KATNIP: variants seen among roughly 807,000 people sequenced by gnomAD.
The protein encoded by KATNIP is katanin-interacting protein.
In KATNIP, 126 loss-of-function variants were observed where a neutral mutation model predicts 174.0. The observed-to-expected ratio is 0.72, with a 90% CI of 0.63 to 0.84. The LOEUF (loss-of-function observed/expected upper bound fraction) is 0.84, where lower values mean the gene tolerates loss of function less well. Ranked by LOEUF, KATNIP falls within the 40% of genes least tolerant of loss-of-function variation. The pLI, the probability that KATNIP is intolerant of heterozygous loss-of-function variation, is 0.00. For missense variants in KATNIP, 1,958 were observed against 2,109.7 expected, an observed-to-expected ratio of 0.93 and a Z score of 1.41; for synonymous variants, 810 against 835.7, an observed-to-expected ratio of 0.97 and a Z score of 0.53.
chr16:27,629,938 G>C (rs1427079667), intron 4 of KATNIP, among the ~76,000 whole-genome samples: 1 of 152,164 alleles, frequency 6.6e-6, no homozygotes, highest in South Asian at 2.1e-4. Context: ...GACTGGGCCC[G>C]GGAAGTCAAG....
At chr16:27,652,517 C>T (rs950449402) in intron 6 of KATNIP, among the ~76,000 whole-genome samples, 7 of 152,058 alleles carry the variant, frequency 4.6e-5, no homozygotes, top group Non-Finnish European at 7.4e-5. Context: ...ATATGTTCAC[C>T]GTTTAAGTGG....
intron 2 of KATNIP, among the ~76,000 whole-genome samples, chr16:27,598,114 A>AGCTACTTAGGAG (rs749738176): frequency 6.6e-6 from 1 of 152,072 alleles, no homozygotes; most frequent in African/African-American, 2.4e-5. Flanking sequence ...CTGTTGCTCC[A>AGCTACTTAGGAG]GCTACTTAGG....
At chr16:27,721,431 C>T (rs1342209278) in intron 13 of KATNIP, 127 bp from the exon 14 acceptor site, 1 of 1,117,618 alleles carries the variant, frequency 8.9e-7, no homozygotes, top group East Asian at 2.4e-5. Flanking sequence ...ACGGGGTGGC[C>T]TGGCTGTCTG....
At chr16:27,579,805 T>C (rs1207847156) in intron 2 of KATNIP, among the ~76,000 whole-genome samples, 1 of 152,180 alleles carries the variant, frequency 6.6e-6, no homozygotes, top group East Asian at 1.9e-4. Context: ...CAAAAGTCAT[T>C]GAACTCACCC....
chr16:27,570,364 G>C (rs2090242286), intron 1 of KATNIP, among the ~76,000 whole-genome samples: 1 of 151,818 alleles, frequency 6.6e-6, no homozygotes, highest in South Asian at 2.1e-4. Flanking sequence ...AGGAGTTCGA[G>C]ACCAGCCTAG....
chr16:27,577,640 C>T (rs372141260), intron 2 of KATNIP, among the ~76,000 whole-genome samples: 1 of 152,032 alleles, frequency 6.6e-6, no homozygotes, highest in Non-Finnish European at 1.5e-5. Flanking sequence ...TGCAGTGAGC[C>T]GAGATCGGGC....
At chr16:27,773,343 G>A (rs1411350211) in intron 23 of KATNIP, 134 bp downstream of exon 23, 22 of 595,398 alleles carry the variant, frequency 3.7e-5, no homozygotes, top group Non-Finnish European at 5.5e-5. Context: ...TTTGCTTATA[G>A]TCAGATGCTG....
At chr16:27,625,247 C>G (rs545050075) in intron 3 of KATNIP, among the ~76,000 whole-genome samples, 1 of 152,198 alleles carries the variant, frequency 6.6e-6, no homozygotes, top group East Asian at 1.9e-4. Flanking sequence ...TTTCATAAAT[C>G]TACATTTTCA....
intron 14 of KATNIP, among the ~76,000 whole-genome samples, chr16:27,726,619 C>T (rs185708454): frequency 9.3e-4 from 142 of 152,316 alleles, no homozygotes; most frequent in African/African-American, 3.0e-3. Flanking sequence ...AAGGATACAA[C>T]GAATAATGTG....
Position 27,677,738 on chromosome 16 carries a change from A to C in KATNIP, c.550A>C (p.Arg184=). Residue 184 remains arginine (R), a synonymous_variant, in exon 7 of 28, where the codon AGA becomes CGA. Transcript: ENST00000261588. ...TSEDRPQELR[R]SLELSVNLQR... ...TCTGGGCTTTTTGCAGGAGCTGAGA[A>C]GAAGCCTGGAACTTAGTGTAAATCT... 6.2e-7 allele frequency: 1 copy of C among 1,604,240 alleles called. No homozygotes were observed. The highest frequency in any genetic ancestry group is 2.2e-5 in the East Asian group (1 of 44,568).
Position 27,776,399 on chromosome 16 carries a change from G to C in KATNIP, c.4450-529G>C, listed in dbSNP as rs1222880710. On this transcript the variant is annotated intron_variant, in intron 24 of 27. Transcript: ENST00000261588. The surrounding 1 kb of genome is among the most constrained non-coding windows in gnomAD (Gnocchi z 4.7). Reference sequence around the variant, plus strand: ...CTGCTCCGTCCCACTTTTCCCACTGGATTCTGCCCCGATCTAGACAGCCCC... The same window carrying C: ...CTGCTCCGTCCCACTTTTCCCACTGCATTCTGCCCCGATCTAGACAGCCCC... Among the ~76,000 whole-genome samples the C allele has an allele frequency of 6.6e-6, 1 of 152,142 alleles. No individual in the cohort carries two copies. Among genetic ancestry groups the C allele is most frequent in the African/African-American group, 2.4e-5 (1 of 41,432 alleles).
intron 2 of KATNIP, among the ~76,000 whole-genome samples, chr16:27,611,123 T>A (rs1567492252): frequency 6.6e-6 from 1 of 152,222 alleles, no homozygotes; most frequent in Non-Finnish European, 1.5e-5. Flanking sequence ...GTCCTCAACC[T>A]TGGCAAAAGA....
chr16:27,712,777 A>T (rs976074135), intron 13 of KATNIP, among the ~76,000 whole-genome samples: 1 of 151,880 alleles, frequency 6.6e-6, no homozygotes, highest in African/African-American at 2.4e-5. Flanking sequence ...CATCTCTTGG[A>T]TCTCTCCTGG....
chr16:27,685,546 A>G (rs1173249639), intron 8 of KATNIP, among the ~76,000 whole-genome samples: 2 of 152,234 alleles, frequency 1.3e-5, no homozygotes, highest in South Asian at 2.1e-4. Context: ...GCATGCGTTC[A>G]TACAAAAAAT....
Position 27,761,552 on chromosome 16 carries a change from G to A in KATNIP, c.3771G>A (p.Glu1257=), listed in dbSNP as rs942693674. 1 of 1,614,118 alleles carries A rather than the reference G, an allele frequency of 6.2e-7. No homozygotes were observed. Among genetic ancestry groups the A allele is most frequent in the Non-Finnish European group, 8.5e-7 (1 of 1,180,024 alleles). ...CTGCTTCCCCCAGAGACTTAAATGA[G>A]CTCCCCGAGTACTCTGACGACTCCC... ...QISASPRDLN[E]LPEYSDDSRA... Residue 1257 remains glutamate, a synonymous_variant, in exon 19 of 28, where the codon GAG becomes GAA. Coordinates refer to ENST00000261588, the MANE Select transcript of KATNIP (RefSeq NM_015202.5).
At chr16:27,621,926 C>T (rs892626502) in intron 3 of KATNIP, among the ~76,000 whole-genome samples, 14 of 151,944 alleles carry the variant, frequency 9.2e-5, no homozygotes, top group African/African-American at 2.9e-4. Context: ...GGTCCTACCT[C>T]GACACTAGGG....
At chr16:27,695,299 G>C (rs887269319) in intron 8 of KATNIP, among the ~76,000 whole-genome samples, 1 of 152,160 alleles carries the variant, frequency 6.6e-6, no homozygotes, top group African/African-American at 2.4e-5. Flanking sequence ...CAGAGCATGG[G>C]CCCTACAGTG....
At chr16:27,569,845 A>C (rs1157108412) in intron 1 of KATNIP, among the ~76,000 whole-genome samples, 1 of 152,258 alleles carries the variant, frequency 6.6e-6, no homozygotes, top group Non-Finnish European at 1.5e-5. Context: ...GATTTAATGA[A>C]TTAAAAAGCT....
intron 5 of KATNIP, among the ~76,000 whole-genome samples, chr16:27,635,151 A>C (rs538163929): frequency 1.5e-4 from 23 of 152,356 alleles, no homozygotes; most frequent in African/African-American, 5.3e-4. Context: ...CAAAAGCCTT[A>C]ATGATTCTAC....
Sources: allele counts gnomAD v4.1 joint callset (sites outside exome capture counted in the v4.1 genomes callset), GRCh38; gene constraint gnomAD v4.1.1; non-coding constraint Gnocchi (gnomAD v3.1); transcripts MANE v1.5; gene names NCBI Gene and HGNC (gene_info 2026-07-23, HGNC 2026-07-21).